G3BP1: variants seen among roughly 807,000 people sequenced by gnomAD.
G3BP1 encodes ras GTPase-activating protein-binding protein 1.
G3BP1 carries 35 observed loss-of-function variants against 58.6 expected under a neutral mutation model. The ratio of observed to expected loss-of-function variants is 0.60; its 90% CI spans 0.46 to 0.79. G3BP1 has a LOEUF of 0.79. Ranked by LOEUF, G3BP1 falls within the 30% of genes least tolerant of loss-of-function variation. The probability of loss-of-function intolerance (pLI) is 0.00; values close to 1 mark genes in which losing one functional copy is unlikely to be tolerated. For missense variants in G3BP1, 523 were observed against 580.8 expected, an observed-to-expected ratio of 0.90 and a Z score of 1.02; for synonymous variants, 191 against 195.4, an observed-to-expected ratio of 0.98 and a Z score of 0.19.
At chr5:151,799,686 A>T (rs991754137) in intron 8 of G3BP1, among the ~76,000 whole-genome samples, 2 of 150,460 alleles carry the variant, frequency 1.3e-5, no homozygotes, top group African/African-American at 4.9e-5. Flanking sequence ...CTCTGGCTCA[A>T]AAAAAAAAAA....
chr5:151,795,691 CAGA>C (rs1238796835), intron 6 of G3BP1, 116 bp downstream of exon 6: 11 of 560,758 alleles, frequency 2.0e-5, no homozygotes, highest in African/African-American at 1.7e-4. Flanking sequence ...AATAATTTCT[CAGA>C]AGAATGGTTT....
At position 151,786,720 on chromosome 5, in the gene G3BP1, G is replaced by A. The variant is rs763846762; in HGVS notation, c.95+5G>A. 8.2e-5 allele frequency: 127 copies of A among 1,548,730 alleles called. No homozygotes were observed. The East Asian group carries it at 2.8e-3, about 35-fold the overall frequency. On this transcript the variant is annotated splice_donor_5th_base_variant and intron_variant, in intron 2 of 11. Transcript: ENST00000356245. ...GGCCCCAGACATGCTGCATAGGTAAGACATTTTTCTCCTGCATCATCTAAT... is the reference window on the plus strand; with the variant it reads ...GGCCCCAGACATGCTGCATAGGTAAAACATTTTTCTCCTGCATCATCTAAT...
chr5:151,810,303 C>A lies in G3BP1; in HGVS notation c.*6212C>A, dbSNP rs1177575731. 1 of 152,242 alleles carries A rather than the reference C, an allele frequency of 6.6e-6. No homozygotes were observed. The highest frequency in any genetic ancestry group is 1.5e-5 in the Non-Finnish European group (1 of 68,054). The allele number at this position is 152,242 out of a possible 1,614,324, so 9.4% of individuals were successfully genotyped here. ...AGGTCCACTGAGATCTACAATCCCCCCTTTCCTCTGATCTCTTGCCATGTA... is the reference window on the plus strand; with the variant it reads ...AGGTCCACTGAGATCTACAATCCCCACTTTCCTCTGATCTCTTGCCATGTA... On this transcript the variant is annotated 3_prime_UTR_variant, in exon 12 of 12. Coordinates refer to ENST00000356245, the MANE Select transcript of G3BP1 (RefSeq NM_005754.3).
intron 8 of G3BP1, 39 bp from the exon 9 acceptor site, chr5:151,799,850 G>C (rs759922088): frequency 8.5e-7 from 1 of 1,175,000 alleles, no homozygotes; most frequent in Non-Finnish European, 1.3e-6. Context: ...GGATAAGCCT[G>C]CTTTGTTTTA....
At chr5:151,777,024 A>G (rs571396255) in intron 1 of G3BP1, among the ~76,000 whole-genome samples, 1 of 151,286 alleles carries the variant, frequency 6.6e-6, no homozygotes, top group South Asian at 2.1e-4. Context: ...TGCCTGTCTC[A>G]GGTCCAGAAT....
chr5:151,775,551 C>G (rs1762354786), intron 1 of G3BP1, among the ~76,000 whole-genome samples: 1 of 152,230 alleles, frequency 6.6e-6, no homozygotes, highest in African/African-American at 2.4e-5. Context: ...GAATGTGACA[C>G]CTGCCTGCCC....
intron 4 of G3BP1, chr5:151,792,101 A>G (rs999155921): frequency 6.8e-5 from 31 of 456,202 alleles, no homozygotes; most frequent in African/African-American, 6.0e-4. Context: ...TGTTCCTTCA[A>G]GGAGGCCTGG....
Position 151,811,850 on chromosome 5 carries a change from A to G in G3BP1, c.*7759A>G, listed in dbSNP as rs1227111165. The G allele has an allele frequency of 1.3e-5, 2 of 152,214 alleles. No homozygotes were observed. The highest frequency in any genetic ancestry group is 3.8e-4 in the East Asian group (2 of 5,196). 9.4% of individuals were successfully genotyped at this position (152,214 alleles called of 1,614,324 possible). A position where few individuals can be genotyped will look rare whatever the true frequency, so the allele number is the denominator to read the frequency against. On this transcript the variant is annotated 3_prime_UTR_variant, in exon 12 of 12. Coordinates refer to ENST00000356245, the MANE Select transcript of G3BP1 (RefSeq NM_005754.3). Reference sequence around the variant, plus strand: ...CATTAAGGCCATACCAAGTTTATACATATATACAAAGAAATTTCCATATAA... The same window carrying G: ...CATTAAGGCCATACCAAGTTTATACGTATATACAAAGAAATTTCCATATAA...
chr5:151,793,758 T>G (rs891769912), intron 4 of G3BP1, among the ~76,000 whole-genome samples: 5 of 143,824 alleles, frequency 3.5e-5, no homozygotes, highest in Non-Finnish European at 7.5e-5. Flanking sequence ...TTTGGGATGC[T>G]GAGGCGGGAG....
At chr5:151,800,381 A>G (rs750038506) in intron 10 of G3BP1, 35 bp downstream of exon 10, 1 of 1,553,548 alleles carries the variant, frequency 6.4e-7, no homozygotes, top group Non-Finnish European at 8.9e-7. Context: ...AAATTCATCT[A>G]GTGTCTCTCT....
At chr5:151,790,763 G>T in intron 3 of G3BP1, 126 bp from the exon 4 acceptor site, 1 of 619,862 alleles carries the variant, frequency 1.6e-6, no homozygotes, top group Non-Finnish European at 2.8e-6. Flanking sequence ...AATTCAGTCT[G>T]CATATCCTGT....
rs1762932079 is a variant in G3BP1, at chr5:151,805,857, A to G, written c.*1766A>G. 1 of 151,072 alleles carries G rather than the reference A, an allele frequency of 6.6e-6. No homozygotes were observed. Among genetic ancestry groups the G allele is most frequent in the Non-Finnish European group, 1.5e-5 (1 of 67,958 alleles). 9.4% of individuals were successfully genotyped at this position (151,072 alleles called of 1,614,324 possible). The stretch of plus-strand genomic sequence containing the variant: ...AAAAGTTTAGTCTGAGTCACTTTGG[A>G]AAAAAAAATTACTTTGTGGTAACTT... On this transcript the variant is annotated 3_prime_UTR_variant, in exon 12 of 12. Transcript: ENST00000356245.
chr5:151,787,755 C>T (rs1188195276), intron 2 of G3BP1: 3 of 295,828 alleles, frequency 1.0e-5, no homozygotes, highest in East Asian at 1.1e-4. Flanking sequence ...TTCCCTTACA[C>T]CTTGACCAGC....
At chr5:151,791,148 GA>G in intron 4 of G3BP1, 86 bp downstream of exon 4, 1 of 1,141,860 alleles carries the variant, frequency 8.8e-7, no homozygotes, top group East Asian at 2.4e-5. Flanking sequence ...AAAAACACTT[GA>G]AATTTCAGAC....
intron 5 of G3BP1, among the ~76,000 whole-genome samples, chr5:151,795,240 C>T (rs1275955332): frequency 2.0e-5 from 3 of 152,198 alleles, no homozygotes; most frequent in Non-Finnish European, 4.4e-5. Flanking sequence ...CGCGCCACTG[C>T]ACTCTCTAGC....
At chr5:151,780,027 T>C (rs1762439518) in intron 1 of G3BP1, among the ~76,000 whole-genome samples, 1 of 152,240 alleles carries the variant, frequency 6.6e-6, no homozygotes, top group South Asian at 2.1e-4. Flanking sequence ...TGCAAAATTG[T>C]TCTCCACTGT....
At chr5:151,793,731 T>A (rs1360802550) in intron 4 of G3BP1, among the ~76,000 whole-genome samples, 3 of 145,760 alleles carry the variant, frequency 2.1e-5, no homozygotes, top group African/African-American at 7.7e-5. Flanking sequence ...TGCTGGCTCA[T>A]ACCCATAATT....
At position 151,790,377 on chromosome 5, in the gene G3BP1, G is replaced by T. The variant is rs1762630004; in HGVS notation, c.150G>T (p.Lys50Asn). The T allele has an allele frequency of 1.3e-6, 2 of 1,584,544 alleles. No homozygotes were observed. The highest frequency in any genetic ancestry group is 1.7e-6 in the Non-Finnish European group (2 of 1,165,170). The stretch of plus-strand genomic sequence containing the variant: ...ATGGGGGATTGGATTCAAATGGAAA[G>T]CCAGCAGATGCAGTCTACGGACAGA... ...YVHGGLDSNG[K>N]PADAVYGQKE... The change falls in exon 3 of 12, where the codon AAG (lysine) becomes AAT (asparagine). Residue 50 changes from lysine (K) to asparagine (N), a missense_variant. Lys to Asn is a moderately conservative substitution (Grantham distance 94). This residue lies in a region of G3BP1 where 398 missense variants were observed against 399.1 expected (regional missense o/e 1.00). Transcript: ENST00000356245.
intron 4 of G3BP1, 65 bp from the exon 5 acceptor site, chr5:151,794,094 G>A: frequency 1.1e-6 from 1 of 918,642 alleles, no homozygotes. Context: ...GTCACCAATG[G>A]TGTAGAGTGA....
Sources: allele counts gnomAD v4.1 joint callset (sites outside exome capture counted in the v4.1 genomes callset), GRCh38; gene constraint gnomAD v4.1.1; regional missense constraint gnomAD v4.1.1; transcripts MANE v1.5; gene names NCBI Gene and HGNC (gene_info 2026-07-23, HGNC 2026-07-21).